The following OPCML variants were observed in gnomAD, a reference collection of about 807,000 sequenced individuals.
OPCML encodes the protein opioid binding protein/cell adhesion molecule like, also known as opioid-binding protein/cell adhesion molecule.
A neutral mutation model predicts 37.8 loss-of-function variants in OPCML; 13 were observed. The ratio of observed to expected loss-of-function variants is 0.34; its 90% CI spans 0.22 to 0.55. OPCML has a LOEUF of 0.55. Among genes scored for constraint, OPCML ranks in the 20% least tolerant of loss-of-function variants. The probability of loss-of-function intolerance (pLI) is 0.91; values close to 1 mark genes in which losing one functional copy is unlikely to be tolerated. For missense variants in OPCML, 341 were observed against 435.6 expected (o/e 0.78, Z 1.93); for synonymous variants, 176 against 168.8 (o/e 1.04, Z -0.33).
chr11:132,815,664 G>A (rs1429937107), intron 2 of OPCML, among the ~76,000 whole-genome samples: 1 of 152,172 alleles, frequency 6.6e-6, no homozygotes, highest in African/African-American at 2.4e-5. Flanking sequence ...GAATGAGGGA[G>A]ATTATTGTGA....
chr11:133,149,502 TCTC>T (rs1184111197), intron 1 of OPCML, among the ~76,000 whole-genome samples: 1 of 152,210 alleles, frequency 6.6e-6, no homozygotes, highest in Non-Finnish European at 1.5e-5. Flanking sequence ...ACAATTTACA[TCTC>T]CTCTTTTCCA....
chr11:133,483,659 G>A (rs1947435864), intron 1 of OPCML, among the ~76,000 whole-genome samples: 1 of 148,046 alleles, frequency 6.8e-6, no homozygotes, highest in Non-Finnish European at 1.5e-5. Flanking sequence ...TAGATAGACA[G>A]ATTAGATAAA....
chr11:133,232,627 A>T (rs1940328769), intron 1 of OPCML, among the ~76,000 whole-genome samples: 1 of 152,224 alleles, frequency 6.6e-6, no homozygotes, highest in African/African-American at 2.4e-5. Flanking sequence ...GACACAGCAC[A>T]TGCACACACA....
intron 1 of OPCML, among the ~76,000 whole-genome samples, chr11:133,477,164 TC>T (rs138126082): frequency 0.033 from 4,966 of 152,172 alleles, 122 homozygotes; most frequent in South Asian, 0.12. Context: ...CAGTTGTTTT[TC>T]CCCCCACGTT....
chr11:132,697,747 T>A (rs1253653099), intron 2 of OPCML, among the ~76,000 whole-genome samples: 1 of 152,064 alleles, frequency 6.6e-6, no homozygotes, highest in Non-Finnish European at 1.5e-5. Context: ...TGCATATATC[T>A]CTTCACAATA....
At chr11:132,909,197 T>G (rs1421763719) in intron 2 of OPCML, among the ~76,000 whole-genome samples, 2 of 152,132 alleles carry the variant, frequency 1.3e-5, no homozygotes, top group African/African-American at 4.8e-5. Context: ...GGGACATTTT[T>G]CCACTTCTCA....
chr11:132,577,098 A>G (rs956148164), intron 3 of OPCML, among the ~76,000 whole-genome samples: 2 of 152,142 alleles, frequency 1.3e-5, no homozygotes, highest in African/African-American at 2.4e-5. Context: ...AATCCCCCTT[A>G]CAGCTTTAGT....
At chr11:132,815,974 G>A (rs2136235809) in intron 2 of OPCML, among the ~76,000 whole-genome samples, 1 of 152,340 alleles carries the variant, frequency 6.6e-6, no homozygotes, top group South Asian at 2.1e-4. Flanking sequence ...GCTGGAGGCA[G>A]TTCACACTTA....
chr11:132,971,076 A>G (rs1379343944), intron 1 of OPCML, among the ~76,000 whole-genome samples: 1 of 152,192 alleles, frequency 6.6e-6, no homozygotes, highest in Non-Finnish European at 1.5e-5. Flanking sequence ...CTTTTCATAC[A>G]CAGTGACCGA....
intron 1 of OPCML, among the ~76,000 whole-genome samples, chr11:133,296,536 A>G (rs1942635859): frequency 6.6e-6 from 1 of 152,248 alleles, no homozygotes; most frequent in African/African-American, 2.4e-5. Context: ...AGCGATAGAC[A>G]CAAAGAAAAT....
At chr11:133,506,113 A>G (rs1012145584) in intron 1 of OPCML, among the ~76,000 whole-genome samples, 5 of 152,226 alleles carry the variant, frequency 3.3e-5, no homozygotes, top group African/African-American at 1.2e-4. Flanking sequence ...CTCCATCAGT[A>G]GCACCTGGAC....
At chr11:132,453,131 G>C (rs191519848) in intron 4 of OPCML, among the ~76,000 whole-genome samples, 2 of 152,148 alleles carry the variant, frequency 1.3e-5, no homozygotes, top group African/African-American at 4.8e-5. Context: ...CCTCATCTGG[G>C]TTCCTGTAGA....
intron 3 of OPCML, among the ~76,000 whole-genome samples, chr11:132,558,152 AC>A (rs2096400178): frequency 6.6e-6 from 1 of 151,640 alleles, no homozygotes; most frequent in South Asian, 2.1e-4. Flanking sequence ...ATCTCTTCAT[AC>A]CCAGCTTCAG....
At chr11:132,451,724 T>C (rs2096068799) in intron 4 of OPCML, among the ~76,000 whole-genome samples, 1 of 152,126 alleles carries the variant, frequency 6.6e-6, no homozygotes, top group African/African-American at 2.4e-5. Context: ...TCCTACTGGG[T>C]GGAAGGTGTG....
At chr11:132,999,831 G>C (rs1211906799) in intron 1 of OPCML, among the ~76,000 whole-genome samples, 1 of 152,056 alleles carries the variant, frequency 6.6e-6, no homozygotes, top group Non-Finnish European at 1.5e-5. Flanking sequence ...AGGCGACAGG[G>C]GTCTATCTCA....
At chr11:132,566,294 A>G (rs77034505) in intron 3 of OPCML, among the ~76,000 whole-genome samples, 6,074 of 152,340 alleles carry the variant, frequency 0.04, 443 homozygotes, top group African/African-American at 0.14. Flanking sequence ...AAGCTAGAGC[A>G]TCTAATGCAG....
chr11:132,748,891 C>A (rs891017007), intron 2 of OPCML, among the ~76,000 whole-genome samples: 10 of 152,102 alleles, frequency 6.6e-5, no homozygotes, highest in Non-Finnish European at 1.5e-4. Context: ...GCTCCATGTG[C>A]AGATTCTGGA....
At chr11:133,455,365 C>A (rs1474786653) in intron 1 of OPCML, among the ~76,000 whole-genome samples, 1 of 152,068 alleles carries the variant, frequency 6.6e-6, no homozygotes. Context: ...TTATGATTCC[C>A]ACATATTCTA....
chr11:133,281,579 T>C (rs552624263), intron 1 of OPCML, among the ~76,000 whole-genome samples: 2 of 152,056 alleles, frequency 1.3e-5, no homozygotes, highest in South Asian at 2.1e-4. Context: ...CACAAAAACA[T>C]TGGTACCAAG....
Sources: gnomAD v4.1 joint callset for allele counts (sites outside exome capture counted in the v4.1 genomes callset) on GRCh38, gnomAD v4.1.1 for gene constraint, MANE v1.5 for transcripts, NCBI Gene and HGNC (gene_info 2026-07-23, HGNC 2026-07-21) for gene names.